The following CSMD1 variants were observed in gnomAD, a reference collection of about 807,000 sequenced individuals.
CSMD1 encodes the protein CUB and Sushi multiple domains 1.
A neutral mutation model predicts 417.5 loss-of-function variants in CSMD1; 213 were observed. The ratio of observed to expected loss-of-function variants is 0.51; its 90% CI spans 0.46 to 0.57. CSMD1 has a LOEUF of 0.57. CSMD1 is among the 20% of genes least tolerant of loss of function. The pLI is 0.00. For missense variants in CSMD1, 6,923 were observed against 4,529.7 expected, an observed-to-expected ratio of 1.53 and a Z score of -15.17; for synonymous variants, 2,862 against 1,736.8, an observed-to-expected ratio of 1.65 and a Z score of -16.11.
chr8:3,219,296 T>A lies in CSMD1; in HGVS notation c.4631A>T (p.Asp1544Val), dbSNP rs1257437907. The A allele has an allele frequency of 1.3e-6, 2 of 1,594,358 alleles. No homozygotes were observed. Among genetic ancestry groups the A allele is most frequent in the Non-Finnish European group, 1.7e-6 (2 of 1,169,634 alleles). The change falls in exon 29 of 70, where the codon GAT becomes GTT. Residue 1544 changes from aspartate (D) to valine (V), a missense_variant. Transcript: ENST00000635120. ...GAACCCTGAAAGGCCCACGGAGGCA[T>A]CACTCCGAAATGCCAGAAACAGGCT... Reference protein sequence around the residue: ...GNSLFLAFRSDASVGLSGFAI... With the variant: ...GNSLFLAFRSVASVGLSGFAI...
intron 5 of CSMD1, among the ~76,000 whole-genome samples, chr8:3,757,723 C>A (rs562385489): frequency 6.6e-6 from 1 of 151,982 alleles, no homozygotes; most frequent in African/African-American, 2.4e-5. Flanking sequence ...GTGGCAGGCA[C>A]AGGTAATCCT....
chr8:4,280,073 C>T (rs186649149), intron 3 of CSMD1, among the ~76,000 whole-genome samples: 6 of 152,312 alleles, frequency 3.9e-5, no homozygotes, highest in Non-Finnish European at 8.8e-5. Context: ...TTAACTAACG[C>T]GTTGAAAATA....
At chr8:4,577,018 T>C (rs535617577) in intron 2 of CSMD1, among the ~76,000 whole-genome samples, 6 of 152,204 alleles carry the variant, frequency 3.9e-5, no homozygotes, top group Non-Finnish European at 8.8e-5. Flanking sequence ...AGATATTAGA[T>C]CTTGAATTTT....
chr8:4,411,797 A>G (rs2128934967), intron 3 of CSMD1, among the ~76,000 whole-genome samples: 1 of 152,352 alleles, frequency 6.6e-6, no homozygotes, highest in East Asian at 1.9e-4. Flanking sequence ...ATCACGTGGC[A>G]TATGCATTCA....
At chr8:3,789,063 A>G (rs1799591724) in intron 5 of CSMD1, among the ~76,000 whole-genome samples, 2 of 152,210 alleles carry the variant, frequency 1.3e-5, no homozygotes, top group South Asian at 4.1e-4. Context: ...TCCAAAATTC[A>G]TATGCTAAAC....
intron 3 of CSMD1, among the ~76,000 whole-genome samples, chr8:4,171,190 C>T (rs1218328117): frequency 6.6e-6 from 1 of 151,826 alleles, no homozygotes; most frequent in East Asian, 1.9e-4. Flanking sequence ...TATCCATCAC[C>T]ATCACAGACC....
intron 7 of CSMD1, among the ~76,000 whole-genome samples, chr8:3,662,595 A>G (rs2449189): frequency 0.15 from 23,075 of 152,180 alleles, 2,202 homozygotes; most frequent in African/African-American, 0.26. Context: ...TTCTGGTTCT[A>G]CATCCTTGAA....
chr8:3,349,905 TA>T (rs1236108073), intron 21 of CSMD1, among the ~76,000 whole-genome samples: 1 of 141,338 alleles, frequency 7.1e-6, no homozygotes, highest in African/African-American at 2.6e-5. Flanking sequence ...AATATATATT[TA>T]TATATATTTA....
In CSMD1 at chr8:4,400,612, G is replaced by A. The variant is rs535373111; in HGVS notation, c.415+19341C>T. Among the ~76,000 whole-genome samples, 12 of 152,318 alleles carry A rather than the reference G, an allele frequency of 7.9e-5. No homozygotes were observed. In the South Asian group the frequency reaches 2.5e-3, roughly 32 times the overall value. On this transcript the variant is annotated intron_variant, in intron 3 of 69. Coordinates refer to ENST00000635120, the MANE Select transcript of CSMD1 (RefSeq NM_033225.6). ...TGCTGGAGTTTGAAATAGGATGGCT[G>A]GGATCCAGACTGACCTGCAATCTTG...
chr8:3,768,964 C>T (rs547458542), intron 5 of CSMD1, among the ~76,000 whole-genome samples: 2 of 152,348 alleles, frequency 1.3e-5, no homozygotes, highest in South Asian at 4.1e-4. Flanking sequence ...GTGAATGGAA[C>T]AGGAAAGGCC....
intron 5 of CSMD1, among the ~76,000 whole-genome samples, chr8:3,903,649 T>A (rs904577718): frequency 6.6e-6 from 1 of 152,144 alleles, no homozygotes; most frequent in South Asian, 2.1e-4. Context: ...ATAAGGTTCT[T>A]GTTCCTTACA....
chr8:3,872,306 C>A (rs796302032), intron 5 of CSMD1, among the ~76,000 whole-genome samples: 23 of 152,292 alleles, frequency 1.5e-4, no homozygotes, highest in African/African-American at 5.1e-4. Flanking sequence ...TAAGTGCCAT[C>A]TGGCTCATTC....
At chr8:3,536,288 T>A (rs1434768210) in intron 10 of CSMD1, among the ~76,000 whole-genome samples, 4 of 152,226 alleles carry the variant, frequency 2.6e-5, no homozygotes, top group African/African-American at 9.6e-5. Context: ...CAACTTGTAC[T>A]TAAACTAATT....
At chr8:4,881,402 C>A (rs1403651063) in intron 1 of CSMD1, among the ~76,000 whole-genome samples, 1 of 151,084 alleles carries the variant, frequency 6.6e-6, no homozygotes, top group Non-Finnish European at 1.5e-5. Flanking sequence ...ACAAATATAC[C>A]TAGTATACAT....
intron 26 of CSMD1, among the ~76,000 whole-genome samples, chr8:3,232,764 C>T (rs1798916419): frequency 6.6e-6 from 1 of 151,908 alleles, no homozygotes; most frequent in African/African-American, 2.4e-5. Flanking sequence ...CTATGTGCAC[C>T]CCCATATGCT....
rs181854130 is a variant in CSMD1 at position 3,671,195 on chromosome 8, T to C, written c.1009+37219A>G. 4.1e-5 allele frequency among the ~76,000 whole-genome samples: 6 copies of C among 147,790 alleles called. No individual in the cohort carries two copies. The East Asian group carries it at 9.9e-4, about 24-fold the overall frequency. On this transcript the variant is annotated intron_variant, in intron 7 of 69. Coordinates refer to ENST00000635120, the MANE Select transcript of CSMD1 (RefSeq NM_033225.6). Reference sequence around the variant, plus strand: ...TATATATGTATATGGTATATATAGGTATATGGGATCTATGTATAGGGGATG... The same window carrying C: ...TATATATGTATATGGTATATATAGGCATATGGGATCTATGTATAGGGGATG...
chr8:4,119,608 A>AG (rs1341724142), intron 3 of CSMD1, among the ~76,000 whole-genome samples: 1 of 151,884 alleles, frequency 6.6e-6, no homozygotes, highest in Non-Finnish European at 1.5e-5. Context: ...GGAGGAGACC[A>AG]GGACTTCTGC....
chr8:3,699,430 G>C (rs150118166), intron 7 of CSMD1, among the ~76,000 whole-genome samples: 97 of 152,288 alleles, frequency 6.4e-4, no homozygotes, highest in African/African-American at 2.3e-3. Context: ...CTCTTAGCCA[G>C]TACCTAGCAA....
rs190279306 is a variant in CSMD1 at position 4,928,478 on chromosome 8, G to A, written c.85+65854C>T. ...ACCATAGGGGCTCAGAGATATTTAT[G>A]AAATAATTATGTGAGCCTGAGCAAG... On this transcript the variant is annotated intron_variant, in intron 1 of 69. Coordinates refer to ENST00000635120, the MANE Select transcript of CSMD1 (RefSeq NM_033225.6). Among the ~76,000 whole-genome samples, 3 of 152,294 alleles carry A rather than the reference G, an allele frequency of 2.0e-5. No homozygotes were observed. The East Asian group carries it at 5.8e-4, about 29-fold the overall frequency.
Sources: gnomAD v4.1 joint callset for allele counts (sites outside exome capture counted in the v4.1 genomes callset) on GRCh38, gnomAD v4.1.1 for gene constraint, MANE v1.5 for transcripts, NCBI Gene and HGNC (gene_info 2026-07-23, HGNC 2026-07-21) for gene names.